Variants in SLC24A3 observed in about 807,000 individuals in gnomAD.
The protein encoded by SLC24A3 is sodium/potassium/calcium exchanger 3.
SLC24A3 carries 28 observed loss-of-function variants against 75.8 expected under a neutral mutation model. The observed-to-expected ratio is 0.37, with a 90% CI of 0.27 to 0.51. The LOEUF (loss-of-function observed/expected upper bound fraction) is 0.51, where lower values mean the gene tolerates loss of function less well. Among genes scored for constraint, SLC24A3 ranks in the 20% least tolerant of loss-of-function variants. The probability of loss-of-function intolerance (pLI) is 0.94; values close to 1 mark genes in which losing one functional copy is unlikely to be tolerated. For missense variants in SLC24A3, 663 were observed against 847.8 expected, an observed-to-expected ratio of 0.78 and a Z score of 2.71; for synonymous variants, 372 against 334.1, an observed-to-expected ratio of 1.11 and a Z score of -1.24.
At chr20:19,433,475 T>C (rs1987138770) in intron 2 of SLC24A3, among the ~76,000 whole-genome samples, 1 of 152,238 alleles carries the variant, frequency 6.6e-6, no homozygotes, top group Non-Finnish European at 1.5e-5. Flanking sequence ...TAAACTTGCA[T>C]CTGCATCTCT....
rs993535198 is a variant in SLC24A3 at position 19,481,535 on chromosome 20, A to G, written c.272-33953A>G. Reference sequence around the variant, plus strand: ...TGGCAGAGATTCAGGAAAATTCACAATGACTCTGACTTCAGCTGGGTGCCT... The same window carrying G: ...TGGCAGAGATTCAGGAAAATTCACAGTGACTCTGACTTCAGCTGGGTGCCT... On this transcript the variant is annotated intron_variant, in intron 2 of 16. Transcript: ENST00000328041. Among the ~76,000 whole-genome samples, 5 of 152,288 alleles carry G rather than the reference A, an allele frequency of 3.3e-5. No homozygotes were observed. The East Asian group carries it at 9.7e-4, about 29-fold the overall frequency.
intron 4 of SLC24A3, among the ~76,000 whole-genome samples, chr20:19,584,361 A>C (rs1242006180): frequency 6.6e-6 from 1 of 152,076 alleles, no homozygotes; most frequent in Non-Finnish European, 1.5e-5. Context: ...GGTGATCCCC[A>C]CATCCACACC....
At chr20:19,537,866 CG>C (rs1356706607) in intron 3 of SLC24A3, among the ~76,000 whole-genome samples, 2 of 115,556 alleles carry the variant, frequency 1.7e-5, no homozygotes, top group African/African-American at 7.0e-5. Context: ...CATCACACAC[CG>C]GGGACCGTTG....
intron 2 of SLC24A3, among the ~76,000 whole-genome samples, chr20:19,310,661 G>GACAGTCATTATCTGTGCT (rs1172594398): frequency 6.6e-6 from 1 of 152,234 alleles, no homozygotes. Context: ...GCCTTGCTGA[G>GACAGTCATTATCTGTGCT]ACAGTCATTA....
At chr20:19,349,045 C>T (rs1985503026) in intron 2 of SLC24A3, among the ~76,000 whole-genome samples, 1 of 152,144 alleles carries the variant, frequency 6.6e-6, no homozygotes, top group Non-Finnish European at 1.5e-5. Flanking sequence ...GGAACAGGTG[C>T]TCTAGGCCTT....
intron 2 of SLC24A3, among the ~76,000 whole-genome samples, chr20:19,443,287 A>G (rs572322340): frequency 6.6e-6 from 1 of 152,268 alleles, no homozygotes; most frequent in South Asian, 2.1e-4. Flanking sequence ...TGATATCCTA[A>G]CAATATTGAG....
intron 2 of SLC24A3, among the ~76,000 whole-genome samples, chr20:19,488,690 A>AT (rs1458707782): frequency 2.6e-5 from 4 of 151,868 alleles, no homozygotes; most frequent in African/African-American, 4.8e-5. Flanking sequence ...AGTGTTTCAG[A>AT]TTTTTTTTTA....
intron 2 of SLC24A3, among the ~76,000 whole-genome samples, chr20:19,344,964 A>C (rs73286651): frequency 0.11 from 16,258 of 152,262 alleles, 2,319 homozygotes; most frequent in African/African-American, 0.33. Flanking sequence ...ATTTGACATC[A>C]TACTGGAAGC....
At chr20:19,578,012 TATGTGAA>T (rs1331798919) in intron 3 of SLC24A3, among the ~76,000 whole-genome samples, 3 of 152,140 alleles carry the variant, frequency 2.0e-5, no homozygotes, top group African/African-American at 7.2e-5. Flanking sequence ...ACCAAACATA[TATGTGAA>T]AAGCAAACAA....
rs149957196 is a variant in SLC24A3 at position 19,236,065 on chromosome 20, G to A, written c.142+23081G>A. On this transcript the variant is annotated intron_variant, in intron 1 of 16. Transcript: ENST00000328041. ...CTGACCACTTCTTCTATCTCATGGC[G>A]AACTTTTCTGTTTTTGAATTTATTC... Among the ~76,000 whole-genome samples, 768 of 152,304 alleles carry A rather than the reference G, an allele frequency of 5.0e-3. 6 individuals are homozygous for A. Among genetic ancestry groups the A allele is most frequent in the African/African-American group, 0.018 (735 of 41,560 alleles).
intron 1 of SLC24A3, among the ~76,000 whole-genome samples, chr20:19,267,473 T>C (rs1983200632): frequency 6.6e-6 from 1 of 152,216 alleles, no homozygotes; most frequent in Admixed American, 6.5e-5. Context: ...TTTCAGAAGG[T>C]GTTGCATTTA....
chr20:19,562,284 C>T lies in SLC24A3; in HGVS notation c.349-17716C>T, dbSNP rs34428000. Among the ~76,000 whole-genome samples the T allele has an allele frequency of 4.8e-3, 726 of 152,282 alleles. 5 individuals carry two copies. The highest frequency in any genetic ancestry group is 0.02 in the East Asian group (103 of 5,180). ...AGAATATCTCACATTGTTCCTCTAACAGCCGTAGAACCAAAATGTTGTCTG... is the reference window on the plus strand; with the variant it reads ...AGAATATCTCACATTGTTCCTCTAATAGCCGTAGAACCAAAATGTTGTCTG... On this transcript the variant is annotated intron_variant, in intron 3 of 16. Coordinates refer to ENST00000328041, the MANE Select transcript of SLC24A3 (RefSeq NM_020689.4).
chr20:19,575,254 C>CAAAAA (rs34789411), intron 3 of SLC24A3, among the ~76,000 whole-genome samples: 2 of 72,624 alleles, frequency 2.8e-5, no homozygotes, highest in Non-Finnish European at 2.7e-5. Flanking sequence ...GAGACACTCT[C>CAAAAA]AAAAAAAAAA....
At chr20:19,395,668 C>T (rs1986441633) in intron 2 of SLC24A3, among the ~76,000 whole-genome samples, 1 of 152,158 alleles carries the variant, frequency 6.6e-6, no homozygotes, top group South Asian at 2.1e-4. Flanking sequence ...CTGCGGGAGC[C>T]AGAGGGGGAT....
At chr20:19,313,757 G>A (rs1984515919) in intron 2 of SLC24A3, among the ~76,000 whole-genome samples, 1 of 152,220 alleles carries the variant, frequency 6.6e-6, no homozygotes, top group Admixed American at 6.5e-5. Context: ...CAGGTCCTGG[G>A]GATCACGGTG....
At chr20:19,467,106 T>G (rs1987778808) in intron 2 of SLC24A3, among the ~76,000 whole-genome samples, 1 of 152,210 alleles carries the variant, frequency 6.6e-6, no homozygotes, top group Non-Finnish European at 1.5e-5. Flanking sequence ...ATTTGCATTT[T>G]GAAAGATCAC....
intron 1 of SLC24A3, among the ~76,000 whole-genome samples, chr20:19,215,370 A>T (rs1456450572): frequency 6.6e-6 from 1 of 152,186 alleles, no homozygotes; most frequent in Non-Finnish European, 1.5e-5. Context: ...ACCTGAGGTA[A>T]CCTGGTTTTT....
At chr20:19,653,939 T>C (rs777868562) in intron 6 of SLC24A3, 123 bp from the exon 7 acceptor site, 5 of 644,112 alleles carry the variant, frequency 7.8e-6, no homozygotes, top group South Asian at 2.5e-5. Flanking sequence ...TAAATTCCGA[T>C]TGATTGGCAG....
chr20:19,239,922 A>G (rs986291813), intron 1 of SLC24A3, among the ~76,000 whole-genome samples: 2 of 152,094 alleles, frequency 1.3e-5, no homozygotes, highest in East Asian at 1.9e-4. Context: ...ATGGGACCCC[A>G]TGGTCTGTGG....
Sources: gnomAD v4.1 joint callset for allele counts (sites outside exome capture counted in the v4.1 genomes callset) on GRCh38, gnomAD v4.1.1 for gene constraint, MANE v1.5 for transcripts, NCBI Gene and HGNC (gene_info 2026-07-23, HGNC 2026-07-21) for gene names.